Variants in SMCO4 observed in about 807,000 individuals in gnomAD.
The protein encoded by SMCO4 is single-pass membrane protein with coiled-coil domains 4, also known as single-pass membrane and coiled-coil domain-containing protein 4.
A neutral mutation model predicts 3.6 loss-of-function variants in SMCO4; 4 were observed. The ratio of observed to expected loss-of-function variants is 1.11; its 90% CI spans 0.54 to 2.53. The LOEUF is 2.53. Ranked by LOEUF, SMCO4 falls within the 30% of genes most tolerant of loss-of-function variation. The pLI is 0.02. For missense variants in SMCO4, 70 were observed against 80.8 expected (o/e 0.87, Z 0.51); for synonymous variants, 36 against 35.3 (o/e 1.02, Z -0.07).
At chr11:93,509,000 T>C (rs756819715) in intron 1 of SMCO4, among the ~76,000 whole-genome samples, 2 of 152,034 alleles carry the variant, frequency 1.3e-5, no homozygotes, top group Admixed American at 6.5e-5. Flanking sequence ...CTATTAAAAA[T>C]TGCTCACGGC....
intron 1 of SMCO4, among the ~76,000 whole-genome samples, chr11:93,529,832 C>A (rs1262117260): frequency 1.3e-5 from 2 of 152,200 alleles, no homozygotes; most frequent in African/African-American, 4.8e-5. Flanking sequence ...TTTTAATGAC[C>A]AATACTCAGA....
intron 1 of SMCO4, among the ~76,000 whole-genome samples, chr11:93,516,144 T>G (rs977698428): frequency 6.6e-6 from 1 of 152,116 alleles, no homozygotes; most frequent in Non-Finnish European, 1.5e-5. Flanking sequence ...GATTTTTTAA[T>G]TACAAAAATT....
chr11:93,498,836 A>T (rs1424870088), intron 2 of SMCO4, among the ~76,000 whole-genome samples: 1 of 152,180 alleles, frequency 6.6e-6, no homozygotes, highest in African/African-American at 2.4e-5. Context: ...TTCGAGAAAC[A>T]TTTATGGAAT....
chr11:93,478,713 G>GCACACA lies in SMCO4; in HGVS notation c.*291_*296dup, dbSNP rs58177836. 0.017 allele frequency: 3,762 copies of GCACACA among 226,026 alleles called. 44 individuals carry two copies. Among genetic ancestry groups the GCACACA allele is most frequent in the African/African-American group, 0.036 (1,497 of 41,762 alleles). 14.0% of individuals were successfully genotyped at this position (226,026 alleles called of 1,614,324 possible). ...ATCGATTTTTAGGAGAGAAAAAGAA[G>GCACACA]CACACACACACACACACACACACAC... On this transcript the variant is annotated 3_prime_UTR_variant, in exon 3 of 3. Transcript: ENST00000298966.
the SMCO4 span, among the ~76,000 whole-genome samples, chr11:93,553,636 T>G: frequency 6.6e-6 from 1 of 152,254 alleles, no homozygotes; most frequent in African/African-American, 2.4e-5. Context: ...GATCTTGTTA[T>G]TCAATGTGTT....
intron 1 of SMCO4, among the ~76,000 whole-genome samples, chr11:93,507,882 C>G (rs909481786): frequency 6.6e-6 from 1 of 152,304 alleles, no homozygotes; most frequent in Non-Finnish European, 1.5e-5. Flanking sequence ...GAGACTCCAG[C>G]TGTCTTCCAT....
intron 2 of SMCO4, among the ~76,000 whole-genome samples, chr11:93,494,737 C>T (rs746549665): frequency 6.6e-6 from 1 of 152,236 alleles, no homozygotes; most frequent in Non-Finnish European, 1.5e-5. Context: ...ACTTGCATAT[C>T]TGAATCAGAT....
intron 1 of SMCO4, among the ~76,000 whole-genome samples, chr11:93,514,640 T>A (rs776388534): frequency 5.3e-5 from 8 of 152,062 alleles, no homozygotes; most frequent in Non-Finnish European, 8.8e-5. Context: ...TAACTTCTTA[T>A]CCACTCCACT....
In SMCO4 at chr11:93,478,785, T is replaced by TAGAGATGCACATA. The variant is rs1948551225; in HGVS notation, c.*224_*225insTATGTGCATCTCT. Reference sequence around the variant, plus strand: ...CGCGCTTTGAAGTCTGAAAGGCACATGAAGTGGACCATAAGGTGTATGGCA... The same window carrying TAGAGATGCACATA: ...CGCGCTTTGAAGTCTGAAAGGCACATAGAGATGCACATAGAAGTGGACCATAAGGTGTATGGCA... On this transcript the variant is annotated 3_prime_UTR_variant, in exon 3 of 3. Transcript: ENST00000298966. 1 of 1,278,330 alleles carries TAGAGATGCACATA rather than the reference T, an allele frequency of 7.8e-7. No individual in the cohort carries two copies. 79.2% of individuals were successfully genotyped at this position (1,278,330 alleles called of 1,614,324 possible). A position where few individuals can be genotyped will look rare whatever the true frequency, so the allele number is the denominator to read the frequency against.
chr11:93,550,378 G>A, the SMCO4 span, among the ~76,000 whole-genome samples: 2 of 152,152 alleles, frequency 1.3e-5, no homozygotes, highest in Non-Finnish European at 1.5e-5. Context: ...GGTGGAACTC[G>A]GCCAGGCATG....
intron 1 of SMCO4, among the ~76,000 whole-genome samples, chr11:93,510,918 G>A (rs886638129): frequency 6.6e-6 from 1 of 152,162 alleles, no homozygotes. Flanking sequence ...GGCCAACATG[G>A]TGAAACCCCA....
chr11:93,496,700 T>A (rs563992303), intron 2 of SMCO4, among the ~76,000 whole-genome samples: 1 of 152,304 alleles, frequency 6.6e-6, no homozygotes, highest in African/African-American at 2.4e-5. Context: ...GTAGCCTCTA[T>A]GAGGATCCTC....
intron 1 of SMCO4, among the ~76,000 whole-genome samples, chr11:93,529,581 C>T (rs1171275430): frequency 6.6e-6 from 1 of 152,150 alleles, no homozygotes; most frequent in Non-Finnish European, 1.5e-5. Context: ...AGTCTGAAAT[C>T]AGGCCCCCAT....
intron 1 of SMCO4, among the ~76,000 whole-genome samples, chr11:93,528,728 T>C (rs957390915): frequency 2.6e-5 from 4 of 152,058 alleles, no homozygotes; most frequent in Non-Finnish European, 5.9e-5. Flanking sequence ...AGATTAAAGA[T>C]GAGAGAACTG....
At chr11:93,535,128 G>A (rs893093150) in intron 1 of SMCO4, among the ~76,000 whole-genome samples, 1 of 152,118 alleles carries the variant, frequency 6.6e-6, no homozygotes, top group South Asian at 2.1e-4. Flanking sequence ...TAATACTTAC[G>A]GACCCTTGAT....
In SMCO4 at chr11:93,526,740, T is replaced by C. The variant is rs117153536; in HGVS notation, c.-154+16536A>G. 3.3e-4 allele frequency among the ~76,000 whole-genome samples: 50 copies of C among 152,238 alleles called. No homozygotes were observed. In the East Asian group the frequency reaches 4.6e-3, roughly 14 times the overall value. ...TCCTCAGCACTTTTTCCCTACATCATGACATTTAATCATCACCACCATCCT... is the reference window on the plus strand; with the variant it reads ...TCCTCAGCACTTTTTCCCTACATCACGACATTTAATCATCACCACCATCCT... On this transcript the variant is annotated intron_variant, in intron 1 of 2. Transcript: ENST00000298966.
Position 93,532,152 on chromosome 11 carries a change from T to C in SMCO4, c.-154+11124A>G, listed in dbSNP as rs373526341. Among the ~76,000 whole-genome samples, 23 of 140,050 alleles carry C rather than the reference T, an allele frequency of 1.6e-4. No homozygotes were observed. The East Asian group carries it at 4.8e-3, about 29-fold the overall frequency. 91.9% of individuals were successfully genotyped at this position (140,050 alleles called of 152,430 possible). A position where few individuals can be genotyped will look rare whatever the true frequency, so the allele number is the denominator to read the frequency against. ...AACTCCCTAAACTGATTGAGACCTG[T>C]CTCAGATATTCAGAGTTCACACAGT... is the stretch of plus-strand genomic sequence containing the variant. On this transcript the variant is annotated intron_variant, in intron 1 of 2. Coordinates refer to ENST00000298966, the MANE Select transcript of SMCO4 (RefSeq NM_020179.3).
At chr11:93,551,407 AG>A in the SMCO4 span, among the ~76,000 whole-genome samples, 1 of 152,062 alleles carries the variant, frequency 6.6e-6, no homozygotes, top group Admixed American at 6.5e-5. Flanking sequence ...GATCAGGACA[AG>A]AAGTGCAACT....
At chr11:93,514,412 ATATATATAT>A (rs1948988905) in intron 1 of SMCO4, among the ~76,000 whole-genome samples, 4 of 46,818 alleles carry the variant, frequency 8.5e-5, no homozygotes, top group African/African-American at 2.0e-4. Context: ...ATATATATAT[ATATATATAT>A]AAAATTTGGT....
Sources: gnomAD v4.1 joint callset for allele counts (sites outside exome capture counted in the v4.1 genomes callset) on GRCh38, gnomAD v4.1.1 for gene constraint, MANE v1.5 for transcripts, NCBI Gene and HGNC (gene_info 2026-07-23, HGNC 2026-07-21) for gene names.